Variants in TYR observed in about 807,000 individuals in gnomAD.
TYR encodes tyrosinase, also known as LB24-AB.
Under a neutral mutation model 51.5 loss-of-function variants are expected in TYR, and 58 were observed. The ratio of observed to expected loss-of-function variants is 1.13; its 90% CI spans 0.91 to 1.40. The LOEUF is 1.40. Among genes scored for constraint, TYR ranks in the 40% most tolerant of loss-of-function variants. The pLI is 0.00. For synonymous variants in TYR, 263 were observed against 235.2 expected (o/e 1.12, Z -1.08); for missense variants, 732 against 647.4 (o/e 1.13, Z -1.42).
chr11:89,276,867 A>T (rs907803635), intron 3 of TYR, among the ~76,000 whole-genome samples: 2 of 151,814 alleles, frequency 1.3e-5, no homozygotes, highest in Non-Finnish European at 2.9e-5. Context: ...AGTGGTAGCC[A>T]AGACCCCTTG....
intron 3 of TYR, among the ~76,000 whole-genome samples, chr11:89,269,546 T>C (rs959972120): frequency 3.3e-5 from 5 of 151,988 alleles, no homozygotes; most frequent in African/African-American, 1.2e-4. Flanking sequence ...TTGGTTCTTA[T>C]ACTAAGTTTC....
chr11:89,237,042 C>T (rs886659613), intron 3 of TYR, among the ~76,000 whole-genome samples: 1 of 152,092 alleles, frequency 6.6e-6, no homozygotes, highest in African/African-American at 2.4e-5. Flanking sequence ...GCTTTTATTC[C>T]AAAAGACCTA....
chr11:89,186,028 G>C (rs962048912), intron 1 of TYR, among the ~76,000 whole-genome samples: 3 of 152,040 alleles, frequency 2.0e-5, no homozygotes, highest in African/African-American at 4.8e-5. Flanking sequence ...CTAATTATTT[G>C]CTTTGGCCTT....
chr11:89,214,593 C>T (rs1028547733), intron 2 of TYR, among the ~76,000 whole-genome samples: 9 of 152,070 alleles, frequency 5.9e-5, no homozygotes, highest in South Asian at 2.1e-4. Flanking sequence ...ATGTTTATTG[C>T]GGAACTATTT....
At chr11:89,185,332 T>C (rs1943356521) in intron 1 of TYR, among the ~76,000 whole-genome samples, 2 of 152,104 alleles carry the variant, frequency 1.3e-5, no homozygotes, top group Admixed American at 1.3e-4. Flanking sequence ...GTTCTAGAAA[T>C]ATATTCTATG....
chr11:89,225,517 A>G (rs1297304866), intron 2 of TYR, among the ~76,000 whole-genome samples: 1 of 151,846 alleles, frequency 6.6e-6, no homozygotes, highest in Non-Finnish European at 1.5e-5. Flanking sequence ...TAAGCATAAC[A>G]TATATAACAT....
chr11:89,204,154 G>T lies in TYR; in HGVS notation c.1036+12736G>T, dbSNP rs372843699. The stretch of plus-strand genomic sequence containing the variant: ...GATTGTTGTCAGAGGAGGCCTACTG[G>T]ATAGTTAGGTCTTCTAGCACTGTCT... On this transcript the variant is annotated intron_variant, in intron 2 of 4. Coordinates refer to ENST00000263321, the MANE Select transcript of TYR (RefSeq NM_000372.5). Among the ~76,000 whole-genome samples the T allele has an allele frequency of 1.1e-4, 16 of 152,268 alleles. No individual in the cohort carries two copies. The East Asian group carries it at 1.7e-3, about 17-fold the overall frequency.
chr11:89,261,798 G>A (rs569237564), intron 3 of TYR, among the ~76,000 whole-genome samples: 8 of 152,014 alleles, frequency 5.3e-5, no homozygotes, highest in African/African-American at 1.7e-4. Flanking sequence ...TTACATGTGA[G>A]ACCATAAAAC....
chr11:89,242,738 T>A (rs1436355795), intron 3 of TYR, among the ~76,000 whole-genome samples: 1 of 152,196 alleles, frequency 6.6e-6, no homozygotes, highest in Non-Finnish European at 1.5e-5. Context: ...GGAGTTCAGA[T>A]AAATAATGTA....
In TYR at chr11:89,178,602, C is replaced by G. The variant is rs63159160; in HGVS notation, c.649C>G (p.Arg217Gly). The change falls in exon 1 of 5, where the codon CGG becomes GGG. Residue 217 changes from arginine (R) to glycine (G), a missense_variant. By Grantham distance (125) the Arg-to-Gly change is moderately radical. Transcript: ENST00000263321. ...GCCTTGGCATAGACTCTTCTTGTTG[C>G]GGTGGGAACAAGAAATCCAGAAGCT... is the stretch of plus-strand genomic sequence containing the variant. ...FLPWHRLFLLRWEQEIQKLTG... is the reference protein window; with the variant it reads ...FLPWHRLFLLGWEQEIQKLTG... 1.4e-5 allele frequency: 22 copies of G among 1,612,466 alleles called. No individual in the cohort carries two copies. Among genetic ancestry groups the G allele is most frequent in the Non-Finnish European group, 1.7e-5 (20 of 1,179,136 alleles).
intron 2 of TYR, among the ~76,000 whole-genome samples, chr11:89,216,305 A>G (rs1438894134): frequency 6.6e-6 from 1 of 152,146 alleles, no homozygotes; most frequent in Non-Finnish European, 1.5e-5. Flanking sequence ...GGCTCAGATT[A>G]TTCCTTCTGA....
chr11:89,248,882 A>C (rs567415676), intron 3 of TYR, among the ~76,000 whole-genome samples: 1 of 152,210 alleles, frequency 6.6e-6, no homozygotes, highest in South Asian at 2.1e-4. Context: ...CAGAGGTAAA[A>C]CCAACAGGGC....
At position 89,287,149 on chromosome 11, in the gene TYR, A is replaced by G. The variant is rs1377359147; in HGVS notation, c.1366+2195A>G. Among the ~76,000 whole-genome samples the G allele has an allele frequency of 3.3e-5, 5 of 151,832 alleles. 1 individual carries two copies. In the South Asian group the frequency reaches 1.0e-3, roughly 32 times the overall value. ...CTGTCCTGGGTTTTATTCTTCCCCAAACCCCCAAGATCAGAATTTATCTTG... is the reference window on the plus strand; with the variant it reads ...CTGTCCTGGGTTTTATTCTTCCCCAGACCCCCAAGATCAGAATTTATCTTG... On this transcript the variant is annotated intron_variant, in intron 4 of 4. Transcript: ENST00000263321.
intron 2 of TYR, among the ~76,000 whole-genome samples, chr11:89,200,925 G>A (rs1943589402): frequency 1.3e-5 from 2 of 152,050 alleles, no homozygotes; most frequent in Admixed American, 1.3e-4. Flanking sequence ...TCATATCAAT[G>A]AACTTTTTGT....
At position 89,178,168 on chromosome 11, in the gene TYR, C is replaced by A. The variant is rs774605938; in HGVS notation, c.215C>A (p.Thr72Lys). Residue 72 changes from threonine (T) to lysine (K), a missense_variant, in exon 1 of 5, where the codon ACA (threonine) becomes AAA (lysine). Physicochemically the swap from Thr to Lys is moderately conservative, Grantham distance 78. Transcript: ENST00000263321. ...CCACTTGGGCCTCAATTTCCCTTCA[C>A]AGGGGTGGATGACCGGGAGTCGTGG... ...NAPLGPQFPF[T>K]GVDDRESWPS... The A allele has an allele frequency of 6.2e-7, 1 of 1,614,186 alleles. No homozygotes were observed. The highest frequency in any genetic ancestry group is 1.1e-5 in the South Asian group (1 of 91,084).
chr11:89,263,678 T>C (rs377330888), intron 3 of TYR, among the ~76,000 whole-genome samples: 1 of 152,068 alleles, frequency 6.6e-6, no homozygotes, highest in Non-Finnish European at 1.5e-5. Flanking sequence ...TAAAAATCAG[T>C]TGTATTTCTA....
chr11:89,236,425 C>T (rs151251791), intron 3 of TYR, among the ~76,000 whole-genome samples: 2 of 152,224 alleles, frequency 1.3e-5, no homozygotes, highest in East Asian at 3.9e-4. Context: ...ATTTTCTGCT[C>T]CCTTAGAATT....
At chr11:89,278,923 G>GT (rs1198283127) in intron 3 of TYR, among the ~76,000 whole-genome samples, 1 of 151,670 alleles carries the variant, frequency 6.6e-6, no homozygotes, top group African/African-American at 2.4e-5. Flanking sequence ...ACTTCGAGGA[G>GT]TACTGCTCAG....
chr11:89,248,351 T>G (rs1039514774), intron 3 of TYR, among the ~76,000 whole-genome samples: 9 of 152,122 alleles, frequency 5.9e-5, no homozygotes, highest in African/African-American at 2.2e-4. Flanking sequence ...TTATAAAGAA[T>G]TACTTGGGAG....
Sources: allele counts gnomAD v4.1 joint callset (sites outside exome capture counted in the v4.1 genomes callset), GRCh38; gene constraint gnomAD v4.1.1; transcripts MANE v1.5; gene names NCBI Gene and HGNC (gene_info 2026-07-23, HGNC 2026-07-21).